SLC25A20: variants seen among roughly 807,000 people sequenced by gnomAD.
The protein encoded by SLC25A20 is solute carrier family 25 member 20.
Under a neutral mutation model 39.7 loss-of-function variants are expected in SLC25A20, and 29 were observed. The ratio of observed to expected loss-of-function variants is 0.73; its 90% CI spans 0.54 to 1.00. The LOEUF is 1.00. SLC25A20 is among the 50% of genes least tolerant of loss of function. The probability of loss-of-function intolerance (pLI) is 0.00; values close to 1 mark genes in which losing one functional copy is unlikely to be tolerated. For synonymous variants in SLC25A20, 103 were observed against 142.2 expected, an observed-to-expected ratio of 0.72 and a Z score of 1.96; for missense variants, 333 against 379.9, an observed-to-expected ratio of 0.88 and a Z score of 1.03.
At position 48,866,622 on chromosome 3, in the gene SLC25A20, A is replaced by G. The variant is rs538983440; in HGVS notation, c.418-3963T>C. On this transcript the variant is annotated intron_variant, in intron 4 of 8. Coordinates refer to ENST00000319017, the MANE Select transcript of SLC25A20 (RefSeq NM_000387.6). ...TTCAAAGAGTTTTTGTGTAAGAGGG[A>G]GCAAAGTCATGAAGCATAGAAATTG... Among the ~76,000 whole-genome samples, 13 of 151,820 alleles carry G rather than the reference A, an allele frequency of 8.6e-5. No individual in the cohort carries two copies. In the East Asian group the frequency reaches 2.5e-3, roughly 29 times the overall value.
intron 1 of SLC25A20, among the ~76,000 whole-genome samples, chr3:48,896,502 T>C (rs954182316): frequency 1.3e-5 from 2 of 151,608 alleles, no homozygotes; most frequent in African/African-American, 2.4e-5. Flanking sequence ...TGTTTTGTTT[T>C]GTTTTGTTTT....
chr3:48,861,551 A>C (rs2083627802), intron 5 of SLC25A20, among the ~76,000 whole-genome samples: 1 of 151,970 alleles, frequency 6.6e-6, no homozygotes, highest in African/African-American at 2.4e-5. Context: ...ACATAGTGAA[A>C]CCCTATCTCT....
chr3:48,891,890 CCA>C, intron 2 of SLC25A20, 88 bp downstream of exon 2: 3 of 1,052,464 alleles, frequency 2.9e-6, no homozygotes, highest in South Asian at 2.5e-5. Flanking sequence ...TCCAGCAGAA[CCA>C]CACAGTTAAC....
chr3:48,888,100 G>A (rs1302001027), intron 2 of SLC25A20, among the ~76,000 whole-genome samples: 1 of 151,252 alleles, frequency 6.6e-6, no homozygotes, highest in Non-Finnish European at 1.5e-5. Context: ...CCAGCTACTT[G>A]GGAGGCTGAG....
intron 3 of SLC25A20, among the ~76,000 whole-genome samples, chr3:48,881,181 G>A (rs1170535087): frequency 6.6e-6 from 1 of 152,140 alleles, no homozygotes; most frequent in Non-Finnish European, 1.5e-5. Flanking sequence ...CCCAGGCAGG[G>A]CTCATGCATC....
At chr3:48,870,527 T>C (rs2083706393) in intron 4 of SLC25A20, among the ~76,000 whole-genome samples, 1 of 151,346 alleles carries the variant, frequency 6.6e-6, no homozygotes, top group Non-Finnish European at 1.5e-5. Flanking sequence ...AACTACACAA[T>C]GCTGATGAAA....
At chr3:48,861,547 T>C (rs1189711408) in intron 5 of SLC25A20, among the ~76,000 whole-genome samples, 2 of 151,822 alleles carry the variant, frequency 1.3e-5, no homozygotes, top group African/African-American at 2.4e-5. Flanking sequence ...GCCAACATAG[T>C]GAAACCCTAT....
At chr3:48,871,624 G>A (rs984443320) in intron 4 of SLC25A20, among the ~76,000 whole-genome samples, 4 of 152,008 alleles carry the variant, frequency 2.6e-5, no homozygotes, top group Middle Eastern at 3.4e-3. Context: ...AAAATTAGCC[G>A]GGCATGGTGG....
At chr3:48,860,603 C>A (rs1359094258) in intron 5 of SLC25A20, among the ~76,000 whole-genome samples, 1 of 148,480 alleles carries the variant, frequency 6.7e-6, no homozygotes, top group African/African-American at 2.5e-5. Context: ...GACTCCATCT[C>A]AAAAAAAAAT....
intron 4 of SLC25A20, among the ~76,000 whole-genome samples, chr3:48,866,785 C>A (rs1387725124): frequency 6.6e-6 from 1 of 151,654 alleles, no homozygotes; most frequent in East Asian, 1.9e-4. Context: ...TGCATGCCAC[C>A]ACACCTATTT....
intron 6 of SLC25A20, 108 bp from the exon 7 acceptor site, chr3:48,859,309 G>T: frequency 9.9e-7 from 1 of 1,011,788 alleles, no homozygotes; most frequent in Non-Finnish European, 1.5e-6. Flanking sequence ...GAAACTGGTT[G>T]GAGGGAGGAG....
Position 48,862,482 on chromosome 3 carries a change from C to T in SLC25A20, c.535+60G>A, listed in dbSNP as rs2083635390. 4.8e-6 allele frequency: 5 copies of T among 1,031,628 alleles called. No homozygotes were observed. In the Admixed American group the frequency reaches 6.8e-5, roughly 14 times the overall value. The allele number at this position is 1,031,628 out of a possible 1,614,324, so 63.9% of individuals were successfully genotyped here. A position where few individuals can be genotyped will look rare whatever the true frequency, so the allele number is the denominator to read the frequency against. ...CTGGCAATCCAGGCAAGACCTTCTGCAGCAGACCCACCTCAGGTGACCTCC... is the reference window on the plus strand; with the variant it reads ...CTGGCAATCCAGGCAAGACCTTCTGTAGCAGACCCACCTCAGGTGACCTCC... On this transcript the variant is annotated intron_variant, in intron 5 of 8. Transcript: ENST00000319017.
intron 4 of SLC25A20, among the ~76,000 whole-genome samples, chr3:48,865,988 G>A (rs1380120605): frequency 6.6e-6 from 1 of 150,538 alleles, no homozygotes; most frequent in East Asian, 2.0e-4. Context: ...AAAAAAATTA[G>A]CTGGGCCTGG....
chr3:48,869,797 T>C (rs2083701175), intron 4 of SLC25A20, among the ~76,000 whole-genome samples: 1 of 151,854 alleles, frequency 6.6e-6, no homozygotes, highest in Non-Finnish European at 1.5e-5. Context: ...TGCAGCAGGG[T>C]GAGACTCTGT....
chr3:48,865,773 A>G (rs1342347082), intron 4 of SLC25A20, among the ~76,000 whole-genome samples: 1 of 140,018 alleles, frequency 7.1e-6, no homozygotes, highest in Non-Finnish European at 1.6e-5. Flanking sequence ...TGTCTCAAAC[A>G]AAAAAAAAAA....
At chr3:48,884,304 G>C (rs549829328) in intron 2 of SLC25A20, among the ~76,000 whole-genome samples, 180 bp from the exon 3 acceptor site, 1 of 152,246 alleles carries the variant, frequency 6.6e-6, no homozygotes, top group African/African-American at 2.4e-5. Context: ...TATTATGCTG[G>C]AGAAACTGAA....
intron 2 of SLC25A20, among the ~76,000 whole-genome samples, chr3:48,887,666 G>A (rs1484117773): frequency 1.3e-5 from 2 of 152,230 alleles, no homozygotes; most frequent in Non-Finnish European, 2.9e-5. Context: ...CACTTTGGGA[G>A]GCCAAGGAGG....
intron 4 of SLC25A20, among the ~76,000 whole-genome samples, chr3:48,877,987 G>A (rs1264991919): frequency 6.6e-6 from 1 of 152,020 alleles, no homozygotes; most frequent in Non-Finnish European, 1.5e-5. Context: ...AATAGTCCAG[G>A]CGCGGTGGCT....
chr3:48,889,951 G>A (rs1479982890), intron 2 of SLC25A20, among the ~76,000 whole-genome samples: 1 of 152,178 alleles, frequency 6.6e-6, no homozygotes, highest in Non-Finnish European at 1.5e-5. Context: ...GCCCGCATAA[G>A]GGCCGCTTGA....
Sources: allele counts gnomAD v4.1 joint callset (sites outside exome capture counted in the v4.1 genomes callset), GRCh38; gene constraint gnomAD v4.1.1; transcripts MANE v1.5; gene names NCBI Gene and HGNC (gene_info 2026-07-23, HGNC 2026-07-21).